D2HGDH: variants seen among roughly 807,000 people sequenced by gnomAD.
The protein encoded by D2HGDH is D-2-hydroxyglutarate dehydrogenase, mitochondrial.
A neutral mutation model predicts 46.9 loss-of-function variants in D2HGDH; 31 were observed. The observed-to-expected ratio is 0.66, with a 90% CI of 0.50 to 0.89. The LOEUF (loss-of-function observed/expected upper bound fraction) is 0.89, where lower values mean the gene tolerates loss of function less well. D2HGDH is among the 40% of genes least tolerant of loss of function. The pLI, the probability that D2HGDH is intolerant of heterozygous loss-of-function variation, is 0.00. For missense variants in D2HGDH, 698 were observed against 720.8 expected (o/e 0.97, Z 0.36); for synonymous variants, 364 against 332.6 (o/e 1.09, Z -1.03).
chr2:241,738,413 C>T (rs750614099), intron 2 of D2HGDH, among the ~76,000 whole-genome samples: 8 of 152,362 alleles, frequency 5.3e-5, no homozygotes, highest in Non-Finnish European at 7.3e-5. Flanking sequence ...GAACACCGTG[C>T]GGGTAAGTGG....
chr2:241,739,557 A>G (rs1693868794), intron 2 of D2HGDH, among the ~76,000 whole-genome samples: 1 of 152,260 alleles, frequency 6.6e-6, no homozygotes, highest in Non-Finnish European at 1.5e-5. Flanking sequence ...AAGAGGTGAC[A>G]GGCTCCCGTG....
At chr2:241,755,552 A>AG in intron 8 of D2HGDH, 1 of 1,412,670 alleles carries the variant, frequency 7.1e-7, no homozygotes, top group African/African-American at 1.4e-5. Context: ...CCGGAGTCCC[A>AG]GGGTGCTCGG....
At chr2:241,759,722 T>C (rs184941774) in intron 9 of D2HGDH, among the ~76,000 whole-genome samples, 4 of 152,380 alleles carry the variant, frequency 2.6e-5, no homozygotes, top group Admixed American at 2.6e-4. Flanking sequence ...TTTTTGCTCT[T>C]CTGGTTTATG....
chr2:241,768,303 C>T lies in D2HGDH; in HGVS notation c.*334C>T, dbSNP rs934875929. 1.0e-4 allele frequency: 31 copies of T among 304,280 alleles called. No homozygotes were observed. The highest frequency in any genetic ancestry group is 1.3e-4 in the South Asian group (2 of 15,668). The allele number at this position is 304,280 out of a possible 1,614,324, so 18.8% of individuals were successfully genotyped here. ...GCCCCTGGCCCCATCTTGCCTGCTG[C>T]GGCCTGGGGAGCAGGCGCTGGGTGG... On this transcript the variant is annotated 3_prime_UTR_variant, in exon 10 of 10. Coordinates refer to ENST00000321264, the MANE Select transcript of D2HGDH (RefSeq NM_152783.5).
chr2:241,754,273 C>T (rs538025895), intron 8 of D2HGDH, among the ~76,000 whole-genome samples: 8 of 152,296 alleles, frequency 5.3e-5, no homozygotes, highest in African/African-American at 1.4e-4. Context: ...GCGGCTGTGA[C>T]GAAGGGACCG....
chr2:241,754,367 G>A (rs554973299), intron 8 of D2HGDH, among the ~76,000 whole-genome samples: 2 of 152,124 alleles, frequency 1.3e-5, no homozygotes, highest in Non-Finnish European at 2.9e-5. Context: ...AAAAGGGGCC[G>A]GGCACGGTGG....
intron 7 of D2HGDH, 116 bp downstream of exon 7, chr2:241,750,410 G>GCCCCCC: frequency 9.5e-7 from 1 of 1,050,924 alleles, no homozygotes; most frequent in Non-Finnish European, 1.4e-6. Flanking sequence ...GGCGGGTGGG[G>GCCCCCC]GGTCCCTGGG....
intron 6 of D2HGDH, among the ~76,000 whole-genome samples, chr2:241,748,129 T>TTTTGTC: frequency 1.3e-5 from 2 of 151,636 alleles, no homozygotes; most frequent in South Asian, 2.1e-4. Flanking sequence ...GTTTTTTTGT[T>TTTTGTC]TTTGTTTTTG....
Position 241,735,138 on chromosome 2 carries a change from C to T in D2HGDH, c.-87C>T, listed in dbSNP as rs1575160777. ...TTACCCTTGGCCACTTCCAGGCGCG[C>T]AGCCAGCGGCTCCCTGCCCTTCCCC... is the stretch of plus-strand genomic sequence containing the variant. On this transcript the variant is annotated 5_prime_UTR_variant, in exon 2 of 10. Transcript: ENST00000321264. 1 of 1,360,214 alleles carries T rather than the reference C, an allele frequency of 7.4e-7. No homozygotes were observed. Among genetic ancestry groups the T allele is most frequent in the Admixed American group, 3.2e-5 (1 of 30,918 alleles). The allele number at this position is 1,360,214 out of a possible 1,614,324, so 84.3% of individuals were successfully genotyped here.
chr2:241,751,719 G>C (rs759918031), intron 8 of D2HGDH, among the ~76,000 whole-genome samples: 1 of 152,242 alleles, frequency 6.6e-6, no homozygotes, highest in African/African-American at 2.4e-5. Context: ...GCATAGAGTC[G>C]TGTGGAAGGA....
intron 2 of D2HGDH, among the ~76,000 whole-genome samples, chr2:241,740,162 G>A (rs4073277): frequency 0.058 from 8,851 of 152,222 alleles, 380 homozygotes; most frequent in East Asian, 0.18. Context: ...ATAAAAGGAA[G>A]TGTAGGTGGA....
At chr2:241,767,564 C>A (rs1054514020) in intron 9 of D2HGDH, 146 bp from the exon 10 acceptor site, 2 of 1,156,630 alleles carry the variant, frequency 1.7e-6, no homozygotes, top group Admixed American at 2.3e-5. Context: ...GGGGTCGGCA[C>A]GTCCAGGGCG....
At chr2:241,750,389 G>C in intron 7 of D2HGDH, 95 bp downstream of exon 7, 1 of 1,355,628 alleles carries the variant, frequency 7.4e-7, no homozygotes, top group Non-Finnish European at 1.0e-6. Context: ...TGGGCGGGGG[G>C]TGCCCGGGCG....
At chr2:241,757,785 T>A (rs1285723928) in intron 9 of D2HGDH, among the ~76,000 whole-genome samples, 1 of 152,032 alleles carries the variant, frequency 6.6e-6, no homozygotes, top group Admixed American at 6.5e-5. Context: ...TGATGAAACC[T>A]CGCCTCTACT....
intron 6 of D2HGDH, among the ~76,000 whole-genome samples, chr2:241,747,827 T>A (rs1182259993): frequency 6.6e-6 from 1 of 152,000 alleles, no homozygotes; most frequent in African/African-American, 2.4e-5. Flanking sequence ...CCTCCCAAAG[T>A]GCTGGGGCTA....
intron 9 of D2HGDH, among the ~76,000 whole-genome samples, chr2:241,764,924 T>A (rs1699149856): frequency 6.6e-6 from 1 of 152,200 alleles, no homozygotes; most frequent in Non-Finnish European, 1.5e-5. Context: ...CTTCTTGACC[T>A]CTGAGGTCAG....
chr2:241,762,352 G>C (rs1290895676), intron 9 of D2HGDH, among the ~76,000 whole-genome samples: 2 of 152,172 alleles, frequency 1.3e-5, no homozygotes, highest in African/African-American at 4.8e-5. Context: ...TTGCAGGTGT[G>C]AGCCACCGCG....
intron 8 of D2HGDH, chr2:241,754,603 C>T (rs1363014983): frequency 6.5e-6 from 1 of 153,492 alleles, no homozygotes; most frequent in African/African-American, 2.4e-5. Flanking sequence ...AAAACAGAGT[C>T]TTTTTTTGTC....
chr2:241,750,261 G>A lies in D2HGDH; in HGVS notation c.964G>A (p.Gly322Arg), dbSNP rs113529779. The A allele has an allele frequency of 1.7e-5, 28 of 1,613,676 alleles. No individual in the cohort carries two copies. The highest frequency in any genetic ancestry group is 1.1e-4 in the South Asian group (10 of 91,092). ...GGATGCTGTGTGCATGCAGCTGGTCGGGCGCCATCTCCACCTGGCCAGCCC... is the reference window on the plus strand; with the variant it reads ...GGATGCTGTGTGCATGCAGCTGGTCAGGCGCCATCTCCACCTGGCCAGCCC... Reference protein sequence around the residue: ...FMDAVCMQLVGRHLHLASPVQ... With the variant: ...FMDAVCMQLVRRHLHLASPVQ... The change falls in exon 7 of 10, where the codon GGG becomes AGG. Residue 322 changes from glycine to arginine, a missense_variant. Physicochemically the swap from Gly to Arg is moderately radical, Grantham distance 125. Coordinates refer to ENST00000321264, the MANE Select transcript of D2HGDH (RefSeq NM_152783.5).
Sources: gnomAD v4.1 joint callset for allele counts (sites outside exome capture counted in the v4.1 genomes callset) on GRCh38, gnomAD v4.1.1 for gene constraint, MANE v1.5 for transcripts, NCBI Gene and HGNC (gene_info 2026-07-23, HGNC 2026-07-21) for gene names.